The following ZDHHC11 variants were observed in gnomAD, a reference collection of about 807,000 sequenced individuals.
ZDHHC11 encodes the protein palmitoyltransferase ZDHHC11.
Under a neutral mutation model 51.3 loss-of-function variants are expected in ZDHHC11, and 44 were observed. The observed-to-expected ratio is 0.86, with a 90% CI of 0.67 to 1.10. The LOEUF is 1.10. Among genes scored for constraint, ZDHHC11 ranks in the 50% least tolerant of loss-of-function variants. The pLI is 0.00. For synonymous variants in ZDHHC11, 163 were observed against 222.0 expected, an observed-to-expected ratio of 0.73 and a Z score of 2.36; for missense variants, 400 against 537.7, an observed-to-expected ratio of 0.74 and a Z score of 2.53.
intron 12 of ZDHHC11, among the ~76,000 whole-genome samples, chr5:797,264 A>G (rs1233344361): frequency 1.3e-5 from 2 of 151,422 alleles, no homozygotes; most frequent in Non-Finnish European, 3.0e-5. Flanking sequence ...GCATTTATCA[A>G]TTGAATTATG....
At chr5:821,781 T>C in intron 9 of ZDHHC11, 80 bp downstream of exon 9, 2 of 1,369,212 alleles carry the variant, frequency 1.5e-6, no homozygotes, top group East Asian at 4.7e-5. Flanking sequence ...TGACATATTT[T>C]CCTAAGTAAT....
chr5:816,865 A>G, intron 10 of ZDHHC11: 1 of 463,234 alleles, frequency 2.2e-6, no homozygotes, highest in Middle Eastern at 3.8e-4. Flanking sequence ...CAGGAGAACA[A>G]AGCAGCAGCG....
At chr5:845,974 G>T (rs200633167) in intron 3 of ZDHHC11, among the ~76,000 whole-genome samples, 13,772 of 146,434 alleles carry the variant, frequency 0.094, 28 homozygotes, top group East Asian at 0.21. Context: ...TTCCCCACCA[G>T]GACCCGCCAG....
intron 12 of ZDHHC11, among the ~76,000 whole-genome samples, chr5:798,790 A>T (rs1193835456): frequency 7.8e-4 from 115 of 147,168 alleles, no homozygotes; most frequent in African/African-American, 2.1e-3. Context: ...AGTGGTGAAT[A>T]TTTTTTTTTT....
chr5:847,273 CG>C (rs1205326704), intron 3 of ZDHHC11, among the ~76,000 whole-genome samples: 1 of 151,704 alleles, frequency 6.6e-6, no homozygotes, highest in South Asian at 2.1e-4. Context: ...CAAGTGCCCC[CG>C]GGGGGCCTCC....
At chr5:804,418 C>G (rs542794137) in intron 11 of ZDHHC11, among the ~76,000 whole-genome samples, 10 of 151,264 alleles carry the variant, frequency 6.6e-5, no homozygotes, top group Non-Finnish European at 1.2e-4. Flanking sequence ...AATGGGGGAG[C>G]AGGAGACTAC....
intron 11 of ZDHHC11, among the ~76,000 whole-genome samples, chr5:808,830 T>C (rs1207719009): frequency 6.8e-6 from 1 of 146,996 alleles, no homozygotes; most frequent in African/African-American, 2.5e-5. Context: ...CCCGAGTAGC[T>C]GGGAGTACAG....
chr5:843,845 G>C, intron 3 of ZDHHC11, 121 bp from the exon 4 acceptor site: 1 of 680,338 alleles, frequency 1.5e-6, no homozygotes, highest in African/African-American at 2.7e-5. Flanking sequence ...GCGGGCGTGG[G>C]GGGCACAGCG....
intron 11 of ZDHHC11, among the ~76,000 whole-genome samples, chr5:807,938 T>C (rs1277670122): frequency 6.6e-6 from 1 of 151,066 alleles, no homozygotes; most frequent in Non-Finnish European, 1.5e-5. Flanking sequence ...AGCAACAGGA[T>C]CAGACGCAGG....
rs754886010 is a variant in ZDHHC11 at position 850,455 on chromosome 5, C to T, written c.148G>A (p.Val50Met). Residue 50 changes from valine to methionine, a missense_variant, in exon 1 of 13, where the codon GTG becomes ATG. This residue lies in a region of ZDHHC11 where 119 missense variants were observed against 99.6 expected (regional missense o/e 1.20). Transcript: ENST00000283441. Reference sequence around the variant, plus strand: ...CCGAAGGTGGCCGAGGAAAGGCCCACGAAGACAGCCCAGGTCACCACCTGG... The same window carrying T: ...CCGAAGGTGGCCGAGGAAAGGCCCATGAAGACAGCCCAGGTCACCACCTGG... Reference protein sequence around the residue: ...YFQVVTWAVFVGLSSATFGIF... With the variant: ...YFQVVTWAVFMGLSSATFGIF... 9.9e-6 allele frequency: 16 copies of T among 1,613,634 alleles called. No individual in the cohort carries two copies. The highest frequency in any genetic ancestry group is 3.3e-5 in the Admixed American group (2 of 60,038).
intron 6 of ZDHHC11, among the ~76,000 whole-genome samples, chr5:835,391 C>G (rs1025173215): frequency 2.6e-5 from 4 of 151,850 alleles, no homozygotes; most frequent in South Asian, 4.2e-4. Flanking sequence ...GACCTTTCTT[C>G]TGGTCCATTT....
chr5:845,337 G>C (rs1278415227), intron 3 of ZDHHC11, among the ~76,000 whole-genome samples: 1 of 152,272 alleles, frequency 6.6e-6, no homozygotes, highest in Non-Finnish European at 1.5e-5. Flanking sequence ...GTCTGGACAG[G>C]ACTCCCCTCT....
At chr5:846,457 G>A (rs534990707) in intron 3 of ZDHHC11, among the ~76,000 whole-genome samples, 7 of 151,066 alleles carry the variant, frequency 4.6e-5, no homozygotes, top group African/African-American at 1.7e-4. Flanking sequence ...GTGCTCAGGG[G>A]AAACACCTCT....
intron 6 of ZDHHC11, among the ~76,000 whole-genome samples, chr5:836,791 T>C (rs1435605285): frequency 2.0e-5 from 3 of 150,090 alleles, no homozygotes; most frequent in East Asian, 1.9e-4. Flanking sequence ...CCAGGTACAG[T>C]GACTCATGCT....
chr5:810,937 G>T (rs1740016147), intron 11 of ZDHHC11, among the ~76,000 whole-genome samples: 1 of 151,804 alleles, frequency 6.6e-6, no homozygotes, highest in Non-Finnish European at 1.5e-5. Flanking sequence ...GCCTAAAGAG[G>T]TGTATTAAAT....
At chr5:812,641 CTA>C (rs1740248144) in intron 11 of ZDHHC11, among the ~76,000 whole-genome samples, 1 of 151,358 alleles carries the variant, frequency 6.6e-6, no homozygotes, top group Non-Finnish European at 1.5e-5. Context: ...TAAAAAGAAA[CTA>C]TGAGGATTTA....
intron 12 of ZDHHC11, among the ~76,000 whole-genome samples, chr5:798,768 G>A (rs1396344497): frequency 6.9e-6 from 1 of 145,572 alleles, no homozygotes; most frequent in Non-Finnish European, 1.5e-5. Context: ...AACATTTGCT[G>A]TTTAAAACCT....
chr5:798,193 A>T (rs1319431976), intron 12 of ZDHHC11, among the ~76,000 whole-genome samples: 2 of 150,864 alleles, frequency 1.3e-5, no homozygotes, highest in Admixed American at 1.3e-4. Context: ...CTGTGCTCTC[A>T]GCTTGATCTT....
chr5:813,892 C>T (rs1381338754), intron 11 of ZDHHC11, among the ~76,000 whole-genome samples: 2 of 150,220 alleles, frequency 1.3e-5, no homozygotes, highest in African/African-American at 2.5e-5. Flanking sequence ...TGTGTGTGCA[C>T]GTGCCTGTGT....
Sources: allele counts gnomAD v4.1 joint callset (sites outside exome capture counted in the v4.1 genomes callset), GRCh38; gene constraint gnomAD v4.1.1; regional missense constraint gnomAD v4.1.1; transcripts MANE v1.5; gene names NCBI Gene and HGNC (gene_info 2026-07-23, HGNC 2026-07-21).